Variants in LAMA3 observed in about 807,000 individuals in gnomAD.
The protein encoded by LAMA3 is laminin subunit alpha 3.
In LAMA3, 281 loss-of-function variants were observed where a neutral mutation model predicts 402.0. The ratio of observed to expected loss-of-function variants is 0.70; its 90% CI spans 0.63 to 0.77. The LOEUF (loss-of-function observed/expected upper bound fraction) is 0.77, where lower values mean the gene tolerates loss of function less well. Ranked by LOEUF, LAMA3 falls within the 30% of genes least tolerant of loss-of-function variation. The probability of loss-of-function intolerance (pLI) is 0.00; values close to 1 mark genes in which losing one functional copy is unlikely to be tolerated. For missense variants in LAMA3, 3,840 were observed against 4,215.5 expected, an observed-to-expected ratio of 0.91 and a Z score of 2.47; for synonymous variants, 1,431 against 1,558.4, an observed-to-expected ratio of 0.92 and a Z score of 1.93.
Position 23,733,883 on chromosome 18 carries a change from C to T in LAMA3, c.448-14060C>T, listed in dbSNP as rs187774848. 8.6e-3 allele frequency among the ~76,000 whole-genome samples: 1,313 copies of T among 152,198 alleles called. 14 individuals are homozygous for T. The highest frequency in any genetic ancestry group is 0.066 in the South Asian group (318 of 4,820). On this transcript the variant is annotated intron_variant, in intron 2 of 74. Transcript: ENST00000313654. Reference sequence around the variant, plus strand: ...TCATCAGTACTTCCTGCTGATCTACCGAATTTGAGCTCTCTGAATTTCTAC... The same window carrying T: ...TCATCAGTACTTCCTGCTGATCTACTGAATTTGAGCTCTCTGAATTTCTAC...
chr18:23,905,876 C>T (rs111279737), intron 52 of LAMA3, among the ~76,000 whole-genome samples: 5 of 152,204 alleles, frequency 3.3e-5, no homozygotes, highest in African/African-American at 1.2e-4. Flanking sequence ...GCTATCCTCC[C>T]ACTTCAGCCT....
At chr18:23,713,852 G>A in intron 1 of LAMA3, 68 bp from the exon 2 acceptor site, 2 of 1,476,458 alleles carry the variant, frequency 1.4e-6, no homozygotes, top group Non-Finnish European at 1.9e-6. Flanking sequence ...ATATGGATAA[G>A]AAAAAATTAC....
chr18:23,873,569 A>G (rs1159906785), intron 38 of LAMA3, among the ~76,000 whole-genome samples: 3 of 152,228 alleles, frequency 2.0e-5, no homozygotes, highest in African/African-American at 7.2e-5. Context: ...TTGGAAGAAA[A>G]TTTACCCACG....
At chr18:23,780,175 C>T (rs1049187259) in intron 11 of LAMA3, among the ~76,000 whole-genome samples, 1 of 152,200 alleles carries the variant, frequency 6.6e-6, no homozygotes, top group Non-Finnish European at 1.5e-5. Context: ...AGTGCCTGTG[C>T]TGTGCTAGTC....
chr18:23,922,716 G>T (rs1439825374), intron 62 of LAMA3, among the ~76,000 whole-genome samples: 1 of 152,194 alleles, frequency 6.6e-6, no homozygotes, highest in African/African-American at 2.4e-5. Context: ...AGCCAGTTAT[G>T]AATTGTCAGT....
intron 8 of LAMA3, among the ~76,000 whole-genome samples, chr18:23,772,085 T>C (rs1459547368): frequency 6.7e-6 from 1 of 148,418 alleles, no homozygotes; most frequent in Non-Finnish European, 1.5e-5. Context: ...TCTGTCACCC[T>C]GGCTGGAGTG....
rs913067682 is a variant in LAMA3 at position 23,839,788 on chromosome 18, C to T, written c.3195C>T (p.Ala1065=). 1.9e-6 allele frequency: 3 copies of T among 1,613,938 alleles called. No homozygotes were observed. The African/African-American group carries it at 4.0e-5, about 22-fold the overall frequency. ...ASYGRFVNQS[A]TCVSLAHETP... The stretch of plus-strand genomic sequence containing the variant: ...TTTTAAATATTCTATTTTTCAGTGC[C>T]ACCTGTGTCTCCTTGGCCCATGAAA... Residue 1065 remains alanine (A), a synonymous_variant, in exon 27 of 75, where the codon GCC becomes GCT. Transcript: ENST00000313654. The surrounding 1 kb of genome is among the most constrained non-coding windows in gnomAD (Gnocchi z 4.5).
intron 2 of LAMA3, among the ~76,000 whole-genome samples, chr18:23,737,205 T>C (rs1598682665): frequency 6.6e-6 from 1 of 152,166 alleles, no homozygotes; most frequent in Non-Finnish European, 1.5e-5. Flanking sequence ...ATGTCCCTTC[T>C]GGGGTAGGCT....
chr18:23,788,902 A>G (rs1226038363), intron 12 of LAMA3, among the ~76,000 whole-genome samples: 1 of 151,438 alleles, frequency 6.6e-6, no homozygotes, highest in East Asian at 1.9e-4. Context: ...ACACACATAT[A>G]TATAATATAT....
chr18:23,934,194 A>C (rs1001664007), intron 67 of LAMA3, among the ~76,000 whole-genome samples: 4 of 152,160 alleles, frequency 2.6e-5, no homozygotes, highest in African/African-American at 9.7e-5. Flanking sequence ...TCTGTAGCTG[A>C]TGTCTTGCTG....
At position 23,839,743 on chromosome 18, in the gene LAMA3, G is replaced by C. The variant is rs576951083; in HGVS notation, c.3192-42G>C. 6.2e-7 allele frequency: 1 copy of C among 1,610,350 alleles called. No individual in the cohort carries two copies. Among genetic ancestry groups the C allele is most frequent in the East Asian group, 2.2e-5 (1 of 44,854 alleles). The stretch of plus-strand genomic sequence containing the variant: ...ACTGATGGTCAGTTCTGTAGCTTTG[G>C]GTTCTTTTAAAAATCAGATTTTTAA... On this transcript the variant is annotated intron_variant, in intron 26 of 74. Transcript: ENST00000313654. The surrounding 1 kb of genome is among the most constrained non-coding windows in gnomAD (Gnocchi z 4.5).
intron 23 of LAMA3, among the ~76,000 whole-genome samples, chr18:23,827,672 G>C (rs982727315): frequency 2.6e-5 from 4 of 152,138 alleles, no homozygotes; most frequent in Admixed American, 2.6e-4. Context: ...TGTTCTTTGA[G>C]CACTTTCTAG....
rs568580234 is a variant in LAMA3 at position 23,907,905 on chromosome 18, A to G, written c.6985A>G (p.Lys2329Glu). The G allele has an allele frequency of 2.9e-5, 46 of 1,614,034 alleles. No homozygotes were observed. Among genetic ancestry groups the G allele is most frequent in the Non-Finnish European group, 3.7e-5 (44 of 1,180,020 alleles). ...TGGGAGGACACAGAACGAAGACTTCAAAAAGGCTCTGACTGATGCAGATAA... is the reference window on the plus strand; with the variant it reads ...TGGGAGGACACAGAACGAAGACTTCGAAAAGGCTCTGACTGATGCAGATAA... ...TYGRTQNEDFKKALTDADNSV... is the reference protein window; with the variant it reads ...TYGRTQNEDFEKALTDADNSV... Residue 2329 changes from lysine (K) to glutamate (E), a missense_variant, in exon 54 of 75, where the codon AAA becomes GAA. Physicochemically the swap from Lys to Glu is moderately conservative, Grantham distance 56. Coordinates refer to ENST00000313654, the MANE Select transcript of LAMA3 (RefSeq NM_198129.4).
chr18:23,837,220 A>G, intron 25 of LAMA3, 131 bp downstream of exon 25: 7 of 705,626 alleles, frequency 9.9e-6, no homozygotes, highest in Non-Finnish European at 1.8e-5. Flanking sequence ...TTTAATGTTT[A>G]TTCTTCCCAT....
intron 2 of LAMA3, among the ~76,000 whole-genome samples, chr18:23,730,448 A>G (rs1306052377): frequency 1.3e-5 from 2 of 148,372 alleles, no homozygotes; most frequent in African/African-American, 5.0e-5. Context: ...GCTCACTGCA[A>G]CCTCTGCCTC....
rs200738951 is a variant in LAMA3 at position 23,907,934 on chromosome 18, G to A, written c.7014G>A (p.Ser2338=). 1.1e-5 allele frequency: 17 copies of A among 1,613,534 alleles called. No individual in the cohort carries two copies. The highest frequency in any genetic ancestry group is 6.7e-5 in the East Asian group (3 of 44,874). The part of the protein sequence containing the change: ...FKKALTDADN[S]VNKLTNKLPD... ...AGGCTCTGACTGATGCAGATAACTCGGGTATCAGGCGATCTCTGGCCAGGA... is the reference window on the plus strand; with the variant it reads ...AGGCTCTGACTGATGCAGATAACTCAGGTATCAGGCGATCTCTGGCCAGGA... Residue 2338 remains serine (S), a splice_region_variant and synonymous_variant, in exon 54 of 75, where the codon TCG becomes TCA. Coordinates refer to ENST00000313654, the MANE Select transcript of LAMA3 (RefSeq NM_198129.4).
chr18:23,810,567 C>T (rs1392017671), intron 13 of LAMA3, 64 bp downstream of exon 13: 3 of 1,586,542 alleles, frequency 1.9e-6, no homozygotes, highest in Middle Eastern at 1.7e-4. Flanking sequence ...GCCAGCCTCC[C>T]AGAGAAGCCT....
chr18:23,703,388 G>A (rs990975011), intron 1 of LAMA3, among the ~76,000 whole-genome samples: 7 of 152,102 alleles, frequency 4.6e-5, no homozygotes, highest in African/African-American at 7.2e-5. Context: ...TTCAACTAAC[G>A]TTCCATAGCT....
At chr18:23,817,710 G>A (rs1320301879) in intron 18 of LAMA3, among the ~76,000 whole-genome samples, 1 of 151,970 alleles carries the variant, frequency 6.6e-6, no homozygotes, top group East Asian at 1.9e-4. Context: ...GCAAGACCTT[G>A]TCTTTAATAA....
Sources: allele counts gnomAD v4.1 joint callset (sites outside exome capture counted in the v4.1 genomes callset), GRCh38; gene constraint gnomAD v4.1.1; non-coding constraint Gnocchi (gnomAD v3.1); transcripts MANE v1.5; gene names NCBI Gene and HGNC (gene_info 2026-07-23, HGNC 2026-07-21).